Variants in UBXN11 observed in about 807,000 individuals in gnomAD.
The protein encoded by UBXN11 is UBX domain protein 11.
In UBXN11, 47 loss-of-function variants were observed where a neutral mutation model predicts 62.8. The ratio of observed to expected loss-of-function variants is 0.75; its 90% CI spans 0.59 to 0.95. The LOEUF (loss-of-function observed/expected upper bound fraction) is 0.95, where lower values mean the gene tolerates loss of function less well. UBXN11 is among the 40% of genes least tolerant of loss of function. The probability of loss-of-function intolerance (pLI) is 0.00; values close to 1 mark genes in which losing one functional copy is unlikely to be tolerated. For synonymous variants in UBXN11, 294 were observed against 267.0 expected (o/e 1.10, Z -0.99); for missense variants, 638 against 661.7 (o/e 0.96, Z 0.39).
chr1:26,288,401 A>G (rs2073180198), intron 8 of UBXN11, among the ~76,000 whole-genome samples: 1 of 152,194 alleles, frequency 6.6e-6, no homozygotes, highest in African/African-American at 2.4e-5. Flanking sequence ...GCCCAGGCAG[A>G]TGCTGGATAT....
intron 7 of UBXN11, among the ~76,000 whole-genome samples, chr1:26,294,750 T>C (rs2073354144): frequency 6.6e-6 from 1 of 152,158 alleles, no homozygotes; most frequent in Non-Finnish European, 1.5e-5. Context: ...GCATGTCCCC[T>C]CTGCCACAGG....
upstream of UBXN11, among the ~76,000 whole-genome samples, chr1:26,308,706 G>A (rs545251498): frequency 4.6e-5 from 7 of 152,260 alleles, no homozygotes; most frequent in African/African-American, 1.7e-4. Context: ...ATAAGCAAGC[G>A]TGGGAAGCAG....
At chr1:26,303,801 T>A (rs1459754723) in intron 1 of UBXN11, among the ~76,000 whole-genome samples, 4 of 151,896 alleles carry the variant, frequency 2.6e-5, no homozygotes, top group Non-Finnish European at 4.4e-5. Flanking sequence ...ACAGAGAAGG[T>A]CTAGCCCAGC....
At chr1:26,309,996 T>A (rs189076167), upstream of UBXN11, among the ~76,000 whole-genome samples, 145 of 152,326 alleles carry the variant, frequency 9.5e-4, no homozygotes, top group African/African-American at 3.2e-3. Context: ...TCTGTCTATG[T>A]TGCCCAGGTT....
rs896022760 is a variant in UBXN11, at chr1:26,284,304, C to G, written c.973+58G>C. ...GGACTATGAGTGGTGGTGGAGCCCCCCTGGAGTTTGTTCTGCAGTCCCCCA... is the reference window on the plus strand; with the variant it reads ...GGACTATGAGTGGTGGTGGAGCCCCGCTGGAGTTTGTTCTGCAGTCCCCCA... On this transcript the variant is annotated intron_variant, in intron 11 of 14. Coordinates refer to ENST00000374222, the MANE Select transcript of UBXN11 (RefSeq NM_001389556.1). 50 of 1,612,270 alleles carry G rather than the reference C, an allele frequency of 3.1e-5. No individual in the cohort carries two copies. The East Asian group carries it at 8.9e-4, about 29-fold the overall frequency.
intron 8 of UBXN11, among the ~76,000 whole-genome samples, chr1:26,291,890 T>C (rs1188183934): frequency 6.6e-6 from 1 of 152,226 alleles, no homozygotes; most frequent in Non-Finnish European, 1.5e-5. Flanking sequence ...TCATAGGGAC[T>C]GCACAGCCCC....
chr1:26,296,702 G>C (rs975440336), intron 7 of UBXN11, among the ~76,000 whole-genome samples: 6 of 152,204 alleles, frequency 3.9e-5, no homozygotes, highest in Non-Finnish European at 8.8e-5. Context: ...CATGTTCAGA[G>C]GGCCCAAAAG....
At chr1:26,296,851 T>C (rs2073405364) in intron 7 of UBXN11, 68 bp downstream of exon 7, 6 of 1,516,296 alleles carry the variant, frequency 4.0e-6, no homozygotes, top group Non-Finnish European at 5.4e-6. Flanking sequence ...ACCCAGCTCC[T>C]GAGGAACATG....
rs1412115304 is a variant in UBXN11 at position 26,286,083 on chromosome 1, G to T, written c.560-46C>A. The T allele has an allele frequency of 2.0e-6, 3 of 1,531,860 alleles. No individual in the cohort carries two copies. The East Asian group carries it at 7.0e-5, about 36-fold the overall frequency. 94.9% of individuals were successfully genotyped at this position (1,531,860 alleles called of 1,614,324 possible). The stretch of plus-strand genomic sequence containing the variant: ...CTGTGAGCCGCCTTTTGGCTGTCAT[G>T]TCCCTAGCAGCCCTAGCCTCTGTGG... On this transcript the variant is annotated intron_variant, in intron 8 of 14. Transcript: ENST00000374222.
intron 8 of UBXN11, among the ~76,000 whole-genome samples, chr1:26,293,878 C>G (rs1457371472): frequency 6.6e-6 from 1 of 151,996 alleles, no homozygotes; most frequent in African/African-American, 2.4e-5. Context: ...TTTAAAACGG[C>G]AACATCTTCC....
At chr1:26,316,253 C>T (rs2073793695) in intron 1 of UBXN11, among the ~76,000 whole-genome samples, 2 of 151,326 alleles carry the variant, frequency 1.3e-5, no homozygotes, top group Non-Finnish European at 2.9e-5. Context: ...ACAGGCGTAG[C>T]CCCTATGCCC....
intron 8 of UBXN11, among the ~76,000 whole-genome samples, chr1:26,292,803 G>A (rs553221435): frequency 5.3e-5 from 8 of 151,960 alleles, no homozygotes; most frequent in Middle Eastern, 3.4e-3. Context: ...GCAGTGAGCC[G>A]AGATTGTGCC....
At chr1:26,304,624 G>A (rs920343887) in intron 1 of UBXN11, among the ~76,000 whole-genome samples, 1 of 152,052 alleles carries the variant, frequency 6.6e-6, no homozygotes, top group Non-Finnish European at 1.5e-5. Context: ...TTGGTGGCAG[G>A]CACCTGTAAT....
At chr1:26,301,175 AC>A in intron 3 of UBXN11, 151 bp from the exon 4 acceptor site, 1 of 1,443,852 alleles carries the variant, frequency 6.9e-7, no homozygotes, top group Non-Finnish European at 9.2e-7. Flanking sequence ...CAAGGATCCA[AC>A]CAGAATGGGG....
At chr1:26,308,863 GCAGA>G (rs1557693145), upstream of UBXN11, among the ~76,000 whole-genome samples, 1 of 151,944 alleles carries the variant, frequency 6.6e-6, no homozygotes, top group Non-Finnish European at 1.5e-5. Context: ...TCCGCAGCAG[GCAGA>G]CACTCAGTAA....
chr1:26,287,906 CTTTTTT>C (rs11307343), intron 8 of UBXN11, among the ~76,000 whole-genome samples: 6 of 139,190 alleles, frequency 4.3e-5, no homozygotes, highest in Non-Finnish European at 9.2e-5. Context: ...TGCCTCAACC[CTTTTTT>C]TTTTTTTTCC....
At chr1:26,303,713 A>G (rs906249855) in intron 1 of UBXN11, among the ~76,000 whole-genome samples, 1 of 148,972 alleles carries the variant, frequency 6.7e-6, no homozygotes, top group Non-Finnish European at 1.5e-5. Context: ...GGAGTAACCC[A>G]CCCTCAGTTT....
At chr1:26,296,671 G>A (rs1184161940) in intron 7 of UBXN11, among the ~76,000 whole-genome samples, 2 of 152,190 alleles carry the variant, frequency 1.3e-5, no homozygotes, top group Non-Finnish European at 2.9e-5. Context: ...GAGCCATGAG[G>A]TCTGCTAAGC....
At position 26,301,559 on chromosome 1, in the gene UBXN11, G is replaced by A. The variant is rs1046893088; in HGVS notation, c.100+135C>T. On this transcript the variant is annotated intron_variant, in intron 3 of 14. Coordinates refer to ENST00000374222, the MANE Select transcript of UBXN11 (RefSeq NM_001389556.1). Reference sequence around the variant, plus strand: ...AGCCCTCAGGGAGGACAGCATGGGAGCTGCACAGAACACGGTGGAGGCCGC... The same window carrying A: ...AGCCCTCAGGGAGGACAGCATGGGAACTGCACAGAACACGGTGGAGGCCGC... 128 of 1,260,648 alleles carry A rather than the reference G, an allele frequency of 1.0e-4. No individual in the cohort carries two copies. The African/African-American group carries it at 1.7e-3, about 17-fold the overall frequency. 78.1% of individuals were successfully genotyped at this position (1,260,648 alleles called of 1,614,324 possible).
Sources: allele counts gnomAD v4.1 joint callset (sites outside exome capture counted in the v4.1 genomes callset), GRCh38; gene constraint gnomAD v4.1.1; transcripts MANE v1.5; gene names NCBI Gene and HGNC (gene_info 2026-07-23, HGNC 2026-07-21).